CPLANE1: variants seen among roughly 807,000 people sequenced by gnomAD.
The protein encoded by CPLANE1 is ciliogenesis and planar polarity effector complex subunit 1.
CPLANE1 carries 263 observed loss-of-function variants against 362.5 expected under a neutral mutation model. The observed-to-expected ratio is 0.73, with a 90% CI of 0.66 to 0.80. CPLANE1 has a LOEUF of 0.80. CPLANE1 is among the 30% of genes least tolerant of loss of function. The probability of loss-of-function intolerance (pLI) is 0.00; values close to 1 mark genes in which losing one functional copy is unlikely to be tolerated. For missense variants in CPLANE1, 3,461 were observed against 3,793.4 expected (o/e 0.91, Z 2.30); for synonymous variants, 1,212 against 1,302.6 (o/e 0.93, Z 1.50).
the CPLANE1 span, among the ~76,000 whole-genome samples, chr5:37,087,924 C>T: frequency 6.6e-6 from 1 of 152,234 alleles, no homozygotes; most frequent in Non-Finnish European, 1.5e-5. Flanking sequence ...TAGCCAATAC[C>T]TCCTCTGGAA....
chr5:37,229,084 G>A lies in CPLANE1; in HGVS notation c.1122-1267C>T, dbSNP rs143841912. Among the ~76,000 whole-genome samples, 1,400 of 151,862 alleles carry A rather than the reference G, an allele frequency of 9.2e-3. 8 individuals are homozygous for A. The highest frequency in any genetic ancestry group is 0.023 in the South Asian group (108 of 4,796). On this transcript the variant is annotated intron_variant, in intron 9 of 52. Coordinates refer to ENST00000651892, the MANE Select transcript of CPLANE1 (RefSeq NM_001384732.1). Reference sequence around the variant, plus strand: ...AAAATACAAAAATTATCTGGGCGTGGTGGCGCGCGCCTGCAATTCCAGCTA... The same window carrying A: ...AAAATACAAAAATTATCTGGGCGTGATGGCGCGCGCCTGCAATTCCAGCTA...
chr5:37,114,973 A>C lies in CPLANE1; in HGVS notation c.9387T>G (p.Val3129=). 7 of 1,605,644 alleles carry C rather than the reference A, an allele frequency of 4.4e-6. No homozygotes were observed. The highest frequency in any genetic ancestry group is 6.0e-6 in the Non-Finnish European group (7 of 1,173,760). ...AAVRKATQSP[V]TFQKGSNAPC... ...TTTATCCCTTACCTTTTTGGAAGGT[A>C]ACTGGAGACTGCGTAGCCTTTCTTA... The change falls in exon 51 of 53, where the codon GTT becomes GTG. Residue 3129 remains valine, a synonymous_variant. Transcript: ENST00000651892.
Position 37,239,730 on chromosome 5 carries a change from T to G in CPLANE1, c.817A>C (p.Asn273His), listed in dbSNP as rs863225167. 1.1e-5 allele frequency: 17 copies of G among 1,530,122 alleles called. No individual in the cohort carries two copies. Among genetic ancestry groups the G allele is most frequent in the African/African-American group, 2.8e-5 (2 of 72,594 alleles). The allele number at this position is 1,530,122 out of a possible 1,614,324, so 94.8% of individuals were successfully genotyped here. Residue 273 changes from asparagine to histidine, a missense_variant, in exon 7 of 53, where the codon AAT becomes CAT. By Grantham distance (68) the Asn-to-His change is moderately conservative. Coordinates refer to ENST00000651892, the MANE Select transcript of CPLANE1 (RefSeq NM_001384732.1). Reference protein sequence around the residue: ...RDGLTLAVTLNQKDPKATQVL... With the variant: ...RDGLTLAVTLHQKDPKATQVL... The stretch of plus-strand genomic sequence containing the variant: ...TTACTGACCTTGGGGTCTTTCTGAT[T>G]AAGAGTTACTGCCAGGGTAAGGCCA...
Position 37,224,649 on chromosome 5 carries a change from T to C in CPLANE1, c.2383A>G (p.Thr795Ala), listed in dbSNP as rs1187278191. The change falls in exon 13 of 53, where the codon ACT becomes GCT. Residue 795 changes from threonine to alanine, a missense_variant. By Grantham distance (58) the Thr-to-Ala change is moderately conservative. This residue lies in a region of CPLANE1 where 3,380 missense variants were observed against 3,666.1 expected (regional missense o/e 0.92). Coordinates refer to ENST00000651892, the MANE Select transcript of CPLANE1 (RefSeq NM_001384732.1). ...GATGCTTCATGTGTCATCTTTTCAGTTAACTGACTATCAGCTTCAGGAACT... is the reference window on the plus strand; with the variant it reads ...GATGCTTCATGTGTCATCTTTTCAGCTAACTGACTATCAGCTTCAGGAACT... Reference protein sequence around the residue: ...RRVPEADSQLTEKMTHEASTV... With the variant: ...RRVPEADSQLAEKMTHEASTV... 1 of 1,551,528 alleles carries C rather than the reference T, an allele frequency of 6.4e-7. No individual in the cohort carries two copies. Among genetic ancestry groups the C allele is most frequent in the Non-Finnish European group, 8.7e-7 (1 of 1,146,824 alleles).
At chr5:37,105,836 A>G (rs1341665086), downstream of CPLANE1, among the ~76,000 whole-genome samples, 1 of 152,230 alleles carries the variant, frequency 6.6e-6, no homozygotes, top group Non-Finnish European at 1.5e-5. Context: ...GAATCCTACT[A>G]CAAAATGGAC....
chr5:37,165,263 G>A (rs1262312722), intron 36 of CPLANE1, among the ~76,000 whole-genome samples: 1 of 152,130 alleles, frequency 6.6e-6, no homozygotes, highest in Non-Finnish European at 1.5e-5. Context: ...AGATGTCATA[G>A]AAATAAGCAA....
chr5:37,093,862 T>A, the CPLANE1 span, among the ~76,000 whole-genome samples: 1 of 152,122 alleles, frequency 6.6e-6, no homozygotes, highest in Non-Finnish European at 1.5e-5. Flanking sequence ...CAGGACAGAG[T>A]TATGGCTGAA....
downstream of CPLANE1, among the ~76,000 whole-genome samples, chr5:37,105,355 T>C (rs983600477): frequency 6.6e-6 from 1 of 151,872 alleles, no homozygotes; most frequent in Non-Finnish European, 1.5e-5. Flanking sequence ...CAAAAAACTA[T>C]CAATAAATCC....
Position 37,158,258 on chromosome 5 carries a change from C to T in CPLANE1, c.7778G>A (p.Trp2593Ter), listed in dbSNP as rs863225159. Reference sequence around the variant, plus strand: ...TACTGTATGAGGTATTGAGGGTGACCAAGGTTTCTCTGACATTTCACTGGA... The same window carrying T: ...TACTGTATGAGGTATTGAGGGTGACTAAGGTTTCTCTGACATTTCACTGGA... ...KLSSEMSEKP[W>*]SPSIPHTVTN... is the part of the protein sequence containing the mutation. Residue 2593 changes from tryptophan to a stop codon, truncating the protein, a stop_gained, in exon 39 of 53, where the codon TGG becomes TAG. Coordinates refer to ENST00000651892, the MANE Select transcript of CPLANE1 (RefSeq NM_001384732.1). LOFTEE classifies it high-confidence loss of function. 1 of 1,613,778 alleles carries T rather than the reference C, an allele frequency of 6.2e-7. No individual in the cohort carries two copies. Among genetic ancestry groups the T allele is most frequent in the Middle Eastern group, 1.7e-4 (1 of 6,060 alleles).
intron 50 of CPLANE1, among the ~76,000 whole-genome samples, chr5:37,117,910 T>C (rs1761498739): frequency 6.6e-6 from 1 of 152,204 alleles, no homozygotes. Context: ...TCCATATAAT[T>C]CAAGACTTTT....
rs765322267 is a variant in CPLANE1, at chr5:37,158,284, A to G, written c.7752T>C (p.Leu2584=). 1 of 1,613,986 alleles carries G rather than the reference A, an allele frequency of 6.2e-7. No individual in the cohort carries two copies. ...LVPDVYLNLK[L]SSEMSEKPWS... ...AAGGTTTCTCTGACATTTCACTGGA[A>G]AGCTTCAGATTTAGATAGACATCTG... Residue 2584 remains leucine (L), a synonymous_variant, in exon 39 of 53, where the codon CTT becomes CTC. Coordinates refer to ENST00000651892, the MANE Select transcript of CPLANE1 (RefSeq NM_001384732.1).
At chr5:37,164,694 C>T (rs1015489244) in intron 36 of CPLANE1, among the ~76,000 whole-genome samples, 1 of 152,152 alleles carries the variant, frequency 6.6e-6, no homozygotes, top group African/African-American at 2.4e-5. Flanking sequence ...CTCTTGAGGA[C>T]TGACTGAAAA....
intron 50 of CPLANE1, among the ~76,000 whole-genome samples, chr5:37,118,974 A>C (rs1394370042): frequency 6.6e-6 from 1 of 152,098 alleles, no homozygotes; most frequent in East Asian, 1.9e-4. Context: ...GGCCTCCCAA[A>C]GTGCTGGGAT....
chr5:37,239,574 C>A lies in CPLANE1; in HGVS notation c.834+139G>T, dbSNP rs1396058909. 7 of 526,714 alleles carry A rather than the reference C, an allele frequency of 1.3e-5. No individual in the cohort carries two copies. In the South Asian group the frequency reaches 1.5e-4, roughly 11 times the overall value. 32.6% of individuals were successfully genotyped at this position (526,714 alleles called of 1,614,324 possible). ...CTCCAGCCTAGGCAACAGAGAGAGA[C>A]CCTGTCAAAAAAAAAAAAAAAAAAA... On this transcript the variant is annotated intron_variant, in intron 7 of 52. Transcript: ENST00000651892.
intron 8 of CPLANE1, among the ~76,000 whole-genome samples, chr5:37,234,702 C>T (rs1195138711): frequency 6.6e-6 from 1 of 151,966 alleles, no homozygotes; most frequent in African/African-American, 2.4e-5. Flanking sequence ...CCAGTGATCC[C>T]CATGCAAATA....
chr5:37,174,597 G>A (rs746688254), intron 31 of CPLANE1, among the ~76,000 whole-genome samples: 1 of 151,582 alleles, frequency 6.6e-6, no homozygotes, highest in Non-Finnish European at 1.5e-5. Flanking sequence ...TGACTGTTGG[G>A]GGATGACTCC....
At chr5:37,208,924 C>T (rs1791711171) in intron 16 of CPLANE1, among the ~76,000 whole-genome samples, 1 of 147,514 alleles carries the variant, frequency 6.8e-6, no homozygotes, top group African/African-American at 2.6e-5. Flanking sequence ...TAGGATAAAT[C>T]TGTTTCACAG....
rs745385982 is a variant in CPLANE1, at chr5:37,187,455, T to A, written c.4039A>T (p.Ile1347Leu). Residue 1347 changes from isoleucine (I) to leucine (L), a missense_variant, in exon 23 of 53, where the codon ATA becomes TTA. Coordinates refer to ENST00000651892, the MANE Select transcript of CPLANE1 (RefSeq NM_001384732.1). Reference sequence around the variant, plus strand: ...AGTTCTCCAATAAGGCTCAAAATTATATCCTGAATAAGTTCTTCCATATTA... The same window carrying A: ...AGTTCTCCAATAAGGCTCAAAATTAAATCCTGAATAAGTTCTTCCATATTA... ...FFNMEELIQDIILSLIGELPP... is the reference protein window; with the variant it reads ...FFNMEELIQDLILSLIGELPP... The A allele has an allele frequency of 6.2e-7, 1 of 1,613,656 alleles. No homozygotes were observed. Among genetic ancestry groups the A allele is most frequent in the East Asian group, 2.2e-5 (1 of 44,856 alleles).
intron 18 of CPLANE1, among the ~76,000 whole-genome samples, chr5:37,203,924 C>T (rs1452825599): frequency 1.3e-5 from 2 of 152,078 alleles, no homozygotes; most frequent in Non-Finnish European, 2.9e-5. Flanking sequence ...AAAATGGAAC[C>T]CTTTGAATTT....
Sources: allele counts gnomAD v4.1 joint callset (sites outside exome capture counted in the v4.1 genomes callset), GRCh38; gene constraint gnomAD v4.1.1; regional missense constraint gnomAD v4.1.1; transcripts MANE v1.5; gene names NCBI Gene and HGNC (gene_info 2026-07-23, HGNC 2026-07-21).